The following DGCR8 variants were observed in gnomAD, a reference collection of about 807,000 sequenced individuals.
DGCR8 encodes microprocessor complex subunit DGCR8.
A neutral mutation model predicts 78.5 loss-of-function variants in DGCR8; 14 were observed. That is an observed-to-expected ratio of 0.18 (90% CI 0.12 to 0.28). DGCR8 has a LOEUF of 0.28. Among genes scored for constraint, DGCR8 ranks in the 10% least tolerant of loss-of-function variants. DGCR8 has a pLI of 1.00. For missense variants in DGCR8, 702 were observed against 1,022.5 expected (o/e 0.69, Z 4.28); for synonymous variants, 399 against 402.4 (o/e 0.99, Z 0.10).
chr22:20,093,401 T>C (rs1000526957), intron 8 of DGCR8, among the ~76,000 whole-genome samples: 49 of 150,106 alleles, frequency 3.3e-4, no homozygotes, highest in Admixed American at 1.3e-4. Flanking sequence ...CAAGACTCTG[T>C]CTAAAAAAAA....
Position 20,086,195 on chromosome 22 carries a change from G to A in DGCR8, c.232G>A (p.Gly78Arg), listed in dbSNP as rs769628166. Residue 78 changes from glycine to arginine, a missense_variant, in exon 2 of 14, where the codon GGA (glycine) becomes AGA (arginine). Gly to Arg is a moderately radical substitution (Grantham distance 125, BLOSUM62 -2). This residue lies in a region of DGCR8 where 356 missense variants were observed against 448.9 expected (regional missense o/e 0.79). Transcript: ENST00000351989. The surrounding 1 kb of genome is among the most constrained non-coding windows in gnomAD (Gnocchi z 6.4). ...NFYGASLLSKGSFSKGRLLID... is the reference protein window; with the variant it reads ...NFYGASLLSKRSFSKGRLLID... Reference sequence around the variant, plus strand: ...CTACGGAGCTTCTCTTCTCTCCAAAGGATCCTTCTCTAAGGGCCGCCTCCT... The same window carrying A: ...CTACGGAGCTTCTCTTCTCTCCAAAAGATCCTTCTCTAAGGGCCGCCTCCT... 21 of 1,614,040 alleles carry A rather than the reference G, an allele frequency of 1.3e-5. No homozygotes were observed. The highest frequency in any genetic ancestry group is 1.7e-5 in the Non-Finnish European group (20 of 1,180,046).
intron 7 of DGCR8, 81 bp from the exon 8 acceptor site, chr22:20,092,728 G>A: frequency 7.9e-7 from 1 of 1,260,478 alleles, no homozygotes; most frequent in Non-Finnish European, 1.1e-6. Context: ...ACTGCGCCTT[G>A]TCTGTCGGTG....
At chr22:20,097,428 C>T (rs1181763121) in intron 9 of DGCR8, among the ~76,000 whole-genome samples, 1 of 152,026 alleles carries the variant, frequency 6.6e-6, no homozygotes, top group Non-Finnish European at 1.5e-5. Flanking sequence ...GAATTTTTTT[C>T]CCATTTGATG....
At chr22:20,094,216 C>T (rs2147926268) in intron 8 of DGCR8, among the ~76,000 whole-genome samples, 1 of 152,320 alleles carries the variant, frequency 6.6e-6, no homozygotes, top group East Asian at 1.9e-4. Flanking sequence ...AGCCATCAGC[C>T]CTTGGCTATG....
chr22:20,094,100 C>G (rs2049598838), intron 8 of DGCR8, among the ~76,000 whole-genome samples: 1 of 152,218 alleles, frequency 6.6e-6, no homozygotes, highest in African/African-American at 2.4e-5. Context: ...CACCCGCTTT[C>G]CTCCCTATGT....
intron 1 of DGCR8, among the ~76,000 whole-genome samples, chr22:20,082,700 A>G (rs143099267): frequency 0.018 from 2,685 of 152,326 alleles, 34 homozygotes; most frequent in Middle Eastern, 0.041. Context: ...AGATGGTATA[A>G]AACAGAGGCG....
rs2147922833 is a variant in DGCR8 at position 20,091,577 on chromosome 22, G to A, written c.1449G>A (p.Leu483=). ...AGGCGGAGTCCGAGAGGCCCATCTT[G>A]CCAGCCAATCAGAAGCTCATTACTT... ...RKQAESERPI[L]PANQKLITLS... is the part of the protein sequence containing the mutation. Residue 483 remains leucine, a synonymous_variant, in exon 6 of 14, where the codon TTG becomes TTA. Transcript: ENST00000351989. The A allele has an allele frequency of 6.2e-7, 1 of 1,614,230 alleles. No homozygotes were observed. Among genetic ancestry groups the A allele is most frequent in the Non-Finnish European group, 8.5e-7 (1 of 1,180,048 alleles).
At chr22:20,090,378 C>A in intron 5 of DGCR8, 120 bp downstream of exon 5, 1 of 1,199,506 alleles carries the variant, frequency 8.3e-7, no homozygotes, top group Non-Finnish European at 1.1e-6. Context: ...GGCTGTGCAC[C>A]TCCACTGTTG....
chr22:20,111,196 GT>G lies in DGCR8; in HGVS notation c.*1090del. On this transcript the variant is annotated 3_prime_UTR_variant, in exon 14 of 14. Transcript: ENST00000351989. Reference sequence around the variant, plus strand: ...ATGGGTGGGTGTGCGATGGAAATGTGTTCCTGCCGGAGTCTGAGGCACCAGG... The same window carrying G: ...ATGGGTGGGTGTGCGATGGAAATGTGTCCTGCCGGAGTCTGAGGCACCAGG... The G allele has an allele frequency of 2.5e-6, 1 of 398,844 alleles. No homozygotes were observed. Among genetic ancestry groups the G allele is most frequent in the Non-Finnish European group, 4.4e-6 (1 of 226,062 alleles). 24.7% of individuals were successfully genotyped at this position (398,844 alleles called of 1,614,324 possible). A position where few individuals can be genotyped will look rare whatever the true frequency, so the allele number is the denominator to read the frequency against.
chr22:20,107,498 CTGTTGCTCACAGCTG>C, intron 12 of DGCR8, 100 bp downstream of exon 12: 1 of 1,460,682 alleles, frequency 6.8e-7, no homozygotes, highest in Non-Finnish European at 9.4e-7. Flanking sequence ...GGCAGCTCTG[CTGTTGCTCACAGCTG>C]CCTCTCTCCT....
At chr22:20,108,547 A>G (rs1436126406) in intron 12 of DGCR8, 1 of 265,222 alleles carries the variant, frequency 3.8e-6, no homozygotes, top group Non-Finnish European at 7.5e-6. Flanking sequence ...CTTACTGGCT[A>G]TGGCCACACT....
chr22:20,086,756 T>C lies in DGCR8; in HGVS notation c.720+73T>C. 2 of 1,465,048 alleles carry C rather than the reference T, an allele frequency of 1.4e-6. No homozygotes were observed. Among genetic ancestry groups the C allele is most frequent in the Non-Finnish European group, 1.8e-6 (2 of 1,104,126 alleles). 90.8% of individuals were successfully genotyped at this position (1,465,048 alleles called of 1,614,324 possible). ...AGAGATTTGGGAATTGCAGCATCTT[T>C]TGAAAGCAGGGAAATTAAAAAAAAA... On this transcript the variant is annotated intron_variant, in intron 2 of 13. Coordinates refer to ENST00000351989, the MANE Select transcript of DGCR8 (RefSeq NM_022720.7). The surrounding 1 kb of genome is among the most constrained non-coding windows in gnomAD (Gnocchi z 6.4).
intron 12 of DGCR8, chr22:20,107,780 G>C (rs1285347860): frequency 3.6e-6 from 1 of 275,206 alleles, no homozygotes; most frequent in African/African-American, 2.2e-5. Flanking sequence ...GAGTGTGTCA[G>C]GGTAGCTCTC....
intron 9 of DGCR8, among the ~76,000 whole-genome samples, chr22:20,098,296 C>G (rs2049655043): frequency 6.6e-6 from 1 of 152,026 alleles, no homozygotes; most frequent in African/African-American, 2.4e-5. Context: ...CATTATACTT[C>G]AGTTCTTTAG....
At chr22:20,093,789 C>T (rs911638006) in intron 8 of DGCR8, among the ~76,000 whole-genome samples, 2 of 152,224 alleles carry the variant, frequency 1.3e-5, no homozygotes, top group Non-Finnish European at 2.9e-5. Context: ...GCCCTGCATT[C>T]GTGGTAGTTG....
At chr22:20,084,684 T>C (rs538088618) in intron 1 of DGCR8, among the ~76,000 whole-genome samples, 280 of 152,320 alleles carry the variant, frequency 1.8e-3, no homozygotes, top group African/African-American at 6.6e-3. Context: ...CATGCTGGAA[T>C]TTGGGTGTCC....
At chr22:20,109,621 G>A (rs1158325631) in intron 13 of DGCR8, among the ~76,000 whole-genome samples, 1 of 152,218 alleles carries the variant, frequency 6.6e-6, no homozygotes, top group Non-Finnish European at 1.5e-5. Flanking sequence ...TTTGCCCCTG[G>A]TCGGAAGAGG....
At chr22:20,091,772 CG>C (rs2049565684) in intron 6 of DGCR8, 96 bp from the exon 7 acceptor site, 1 of 1,475,450 alleles carries the variant, frequency 6.8e-7, no homozygotes. Context: ...GCCACATTCA[CG>C]GTCGTGAGCC....
intron 9 of DGCR8, among the ~76,000 whole-genome samples, chr22:20,102,917 G>C (rs1211099469): frequency 1.3e-5 from 2 of 152,176 alleles, no homozygotes. Flanking sequence ...TGGATTACCT[G>C]AGGTTAGGAG....
Sources: allele counts gnomAD v4.1 joint callset (sites outside exome capture counted in the v4.1 genomes callset), GRCh38; gene constraint gnomAD v4.1.1; regional missense constraint gnomAD v4.1.1; non-coding constraint Gnocchi (gnomAD v3.1); transcripts MANE v1.5; gene names NCBI Gene and HGNC (gene_info 2026-07-23, HGNC 2026-07-21).